The following PTPRU variants were observed in gnomAD, a reference collection of about 807,000 sequenced individuals.
PTPRU encodes the protein receptor-type tyrosine-protein phosphatase U.
In PTPRU, 69 loss-of-function variants were observed where a neutral mutation model predicts 166.3. The ratio of observed to expected loss-of-function variants is 0.41; its 90% CI spans 0.34 to 0.51. The LOEUF (loss-of-function observed/expected upper bound fraction) is 0.51, where lower values mean the gene tolerates loss of function less well. Among genes scored for constraint, PTPRU ranks in the 20% least tolerant of loss-of-function variants. The probability of loss-of-function intolerance (pLI) is 0.09; values close to 1 mark genes in which losing one functional copy is unlikely to be tolerated. For missense variants in PTPRU, 1,657 were observed against 2,013.7 expected (o/e 0.82, Z 3.39); for synonymous variants, 793 against 814.0 (o/e 0.97, Z 0.44).
intron 14 of PTPRU, among the ~76,000 whole-genome samples, chr1:29,286,672 C>T (rs944102446): frequency 1.3e-5 from 2 of 151,926 alleles, no homozygotes; most frequent in Admixed American, 1.3e-4. Context: ...ATTTGAGGTC[C>T]TAGAAATCTA....
rs1004137022 is a variant in PTPRU, at chr1:29,291,578, G to A, written c.2319-291G>A. On this transcript the variant is annotated intron_variant, in intron 14 of 29. Transcript: ENST00000373779. This position sits in a 1 kb window ranked among gnomAD's most constrained non-coding sequence, Gnocchi z 4.1. Reference sequence around the variant, plus strand: ...TTCTTTCCCATTTCCTAAGCCCAGGGGGCCAGTGAAACTTAGGAGTGAGAT... The same window carrying A: ...TTCTTTCCCATTTCCTAAGCCCAGGAGGCCAGTGAAACTTAGGAGTGAGAT... Among the ~76,000 whole-genome samples the A allele has an allele frequency of 6.6e-6, 1 of 152,156 alleles. No individual in the cohort carries two copies. Among genetic ancestry groups the A allele is most frequent in the African/African-American group, 2.4e-5 (1 of 41,430 alleles).
At position 29,304,026 on chromosome 1, in the gene PTPRU, G is replaced by A. The variant is rs1259656755; in HGVS notation, c.2648G>A (p.Gly883Asp). The change falls in exon 16 of 30, where the codon GGC (glycine) becomes GAC (aspartate). Residue 883 changes from glycine (G) to aspartate (D), a missense_variant. Gly to Asp is a moderately conservative substitution (Grantham distance 94, BLOSUM62 -1). This residue lies in a region of PTPRU where 1,190 missense variants were observed against 1,477.4 expected (regional missense o/e 0.81). Transcript: ENST00000373779. ...CAGATGAAGACGGCCGAGGGTTACG[G>A]CTTCAAGCAGGAGTATGAGGTGCAC... ...INQMKTAEGY[G>D]FKQEYESFFE... 1 of 1,609,508 alleles carries A rather than the reference G, an allele frequency of 6.2e-7. No individual in the cohort carries two copies. Among genetic ancestry groups the A allele is most frequent in the African/African-American group, 1.3e-5 (1 of 74,920 alleles).
chr1:29,292,165 C>T, intron 15 of PTPRU, 139 bp downstream of exon 15: 1 of 1,147,662 alleles, frequency 8.7e-7, no homozygotes, highest in Non-Finnish European at 1.2e-6. Context: ...TGGATACCTT[C>T]TGGATATAGA....
intron 1 of PTPRU, among the ~76,000 whole-genome samples, chr1:29,244,919 CT>C (rs2151939450): frequency 6.6e-6 from 1 of 152,190 alleles, no homozygotes; most frequent in East Asian, 1.9e-4. Flanking sequence ...TTCTTGGTTT[CT>C]GATGAAGTCC....
At chr1:29,306,056 G>A (rs1687376172) in intron 18 of PTPRU, among the ~76,000 whole-genome samples, 1 of 152,216 alleles carries the variant, frequency 6.6e-6, no homozygotes, top group African/African-American at 2.4e-5. Context: ...CTTGTCCCAG[G>A]TTGCACAGCT....
chr1:29,311,361 C>T lies in PTPRU; in HGVS notation c.2858-95C>T. ...GCCCCCGTTGGGGCTCAGGAGGCCTCCTGGCCTGGGGTGTGGTGCTGGATG... is the reference window on the plus strand; with the variant it reads ...GCCCCCGTTGGGGCTCAGGAGGCCTTCTGGCCTGGGGTGTGGTGCTGGATG... On this transcript the variant is annotated intron_variant, in intron 19 of 29. Coordinates refer to ENST00000373779, the MANE Select transcript of PTPRU (RefSeq NM_133178.4). This position sits in a 1 kb window ranked among gnomAD's most constrained non-coding sequence, Gnocchi z 4.1. 1 of 1,268,372 alleles carries T rather than the reference C, an allele frequency of 7.9e-7. No homozygotes were observed. Among genetic ancestry groups the T allele is most frequent in the South Asian group, 1.3e-5 (1 of 77,806 alleles). 78.6% of individuals were successfully genotyped at this position (1,268,372 alleles called of 1,614,324 possible).
rs1574715429 is a variant in PTPRU at position 29,312,676 on chromosome 1, C to T, written c.3197C>T (p.Pro1066Leu). Reference protein sequence around the residue: ...FIRRVKASTPPDAGPIVIHCS... With the variant: ...FIRRVKASTPLDAGPIVIHCS... ...CGGCGCGTGAAGGCCTCCACCCCAC[C>T]TGATGCCGGGCCCATTGTCATCCAC... is the stretch of plus-strand genomic sequence containing the variant. The change falls in exon 22 of 30, where the codon CCT becomes CTT. Residue 1066 changes from proline to leucine, a missense_variant. Pro to Leu is a moderately conservative substitution (Grantham distance 98). Coordinates refer to ENST00000373779, the MANE Select transcript of PTPRU (RefSeq NM_133178.4). 1 of 1,609,902 alleles carries T rather than the reference C, an allele frequency of 6.2e-7. No homozygotes were observed. Among genetic ancestry groups the T allele is most frequent in the Non-Finnish European group, 8.5e-7 (1 of 1,177,028 alleles).
At chr1:29,248,760 C>A (rs942651206) in intron 1 of PTPRU, among the ~76,000 whole-genome samples, 1 of 152,126 alleles carries the variant, frequency 6.6e-6, no homozygotes, top group African/African-American at 2.4e-5. Flanking sequence ...TACCTTACTG[C>A]ACACACCCAC....
At chr1:29,254,757 T>C (rs1045148019) in intron 1 of PTPRU, among the ~76,000 whole-genome samples, 4 of 152,088 alleles carry the variant, frequency 2.6e-5, no homozygotes, top group African/African-American at 9.7e-5. Flanking sequence ...GCCCACTGTC[T>C]GTCCTCTATG....
intron 8 of PTPRU, among the ~76,000 whole-genome samples, chr1:29,277,185 C>T (rs986792167): frequency 1.3e-5 from 2 of 152,166 alleles, no homozygotes; most frequent in African/African-American, 4.8e-5. Context: ...ACTGCAAACT[C>T]CGCCTTCTGG....
At position 29,312,688 on chromosome 1, in the gene PTPRU, C is replaced by G. The variant is rs746715574; in HGVS notation, c.3209C>G (p.Pro1070Arg). The G allele has an allele frequency of 1.2e-6, 2 of 1,607,568 alleles. No individual in the cohort carries two copies. Among genetic ancestry groups the G allele is most frequent in the Admixed American group, 1.7e-5 (1 of 59,870 alleles). The change falls in exon 22 of 30, where the codon CCC becomes CGC. Residue 1070 changes from proline (P) to arginine (R), a missense_variant. This residue lies in a region of PTPRU where 1,190 missense variants were observed against 1,477.4 expected (regional missense o/e 0.81). Coordinates refer to ENST00000373779, the MANE Select transcript of PTPRU (RefSeq NM_133178.4). ...GCCTCCACCCCACCTGATGCCGGGCCCATTGTCATCCACTGCAGGTGGGGG... is the reference window on the plus strand; with the variant it reads ...GCCTCCACCCCACCTGATGCCGGGCGCATTGTCATCCACTGCAGGTGGGGG... ...VKASTPPDAG[P>R]IVIHCSAGTG... is the part of the protein sequence containing the mutation.
At chr1:29,324,644 C>T (rs1207359334) in intron 28 of PTPRU, among the ~76,000 whole-genome samples, 1 of 152,166 alleles carries the variant, frequency 6.6e-6, no homozygotes, top group Non-Finnish European at 1.5e-5. Flanking sequence ...TTTGTCTCTC[C>T]GGGTGTTTCT....
chr1:29,254,408 T>G (rs1340634750), intron 1 of PTPRU, among the ~76,000 whole-genome samples: 2 of 152,224 alleles, frequency 1.3e-5, no homozygotes, highest in Non-Finnish European at 2.9e-5. Flanking sequence ...CCTCCCCTCT[T>G]TCTCATTTCA....
intron 7 of PTPRU, among the ~76,000 whole-genome samples, chr1:29,274,399 T>C (rs1367887208): frequency 6.6e-6 from 1 of 152,204 alleles, no homozygotes; most frequent in Non-Finnish European, 1.5e-5. Context: ...CCCCAATACA[T>C]GTTAACTGCC....
intron 8 of PTPRU, among the ~76,000 whole-genome samples, chr1:29,276,173 T>A (rs1685795388): frequency 6.6e-6 from 1 of 152,220 alleles, no homozygotes; most frequent in Admixed American, 6.5e-5. Flanking sequence ...TTTATTTATT[T>A]AGAGACAGAG....
intron 14 of PTPRU, among the ~76,000 whole-genome samples, chr1:29,289,944 G>A (rs553014470): frequency 1.3e-5 from 2 of 152,282 alleles, no homozygotes; most frequent in South Asian, 4.1e-4. Flanking sequence ...TAAGAGGCAT[G>A]GGTTCAGAGC....
chr1:29,280,217 C>T lies in PTPRU; in HGVS notation c.1868+76C>T. ...CCCCTCCTCTGACCCAGAGCCCCAT[C>T]CCAGGCCAGCTCACCCTTTTCCTCC... On this transcript the variant is annotated intron_variant, in intron 11 of 29. Transcript: ENST00000373779. The surrounding 1 kb of genome is among the most constrained non-coding windows in gnomAD (Gnocchi z 4.2). 1 of 1,386,378 alleles carries T rather than the reference C, an allele frequency of 7.2e-7. No individual in the cohort carries two copies. The highest frequency in any genetic ancestry group is 1.2e-5 in the South Asian group (1 of 80,810). The allele number at this position is 1,386,378 out of a possible 1,614,324, so 85.9% of individuals were successfully genotyped here.
In PTPRU at chr1:29,279,474, G is replaced by A. The variant is rs746633101; in HGVS notation, c.1582G>A (p.Glu528Lys). The A allele has an allele frequency of 4.3e-6, 7 of 1,613,940 alleles. No homozygotes were observed. Among genetic ancestry groups the A allele is most frequent in the African/African-American group, 1.3e-5 (1 of 74,876 alleles). The change falls in exon 10 of 30, where the codon GAG (glutamate) becomes AAG (lysine). Residue 528 changes from glutamate to lysine, a missense_variant. Physicochemically the swap from Glu to Lys is moderately conservative, Grantham distance 56 (BLOSUM62 1). Coordinates refer to ENST00000373779, the MANE Select transcript of PTPRU (RefSeq NM_133178.4). This position sits in a 1 kb window ranked among gnomAD's most constrained non-coding sequence, Gnocchi z 5.2. ...TQYEISYQSIESSDPAVNVPG... is the reference protein window; with the variant it reads ...TQYEISYQSIKSSDPAVNVPG... ...CCCCCAGATCAGCTACCAGAGCATC[G>A]AGTCATCAGACCCGGCAGTGAACGT...
rs767502282 is a variant in PTPRU at position 29,320,700 on chromosome 1, G to A, written c.3703G>A (p.Ala1235Thr). Reference sequence around the variant, plus strand: ...TTCCCTGCAGAGCTACACACGGAGTGCGGCCTTCATCGTGACCCTGCACCC... The same window carrying A: ...TTCCCTGCAGAGCTACACACGGAGTACGGCCTTCATCGTGACCCTGCACCC... Reference protein sequence around the residue: ...AALTDSYTRSAAFIVTLHPLQ... With the variant: ...AALTDSYTRSTAFIVTLHPLQ... Residue 1235 changes from alanine (A) to threonine (T), a missense_variant, in exon 26 of 30, where the codon GCG (alanine) becomes ACG (threonine). By Grantham distance (58) the Ala-to-Thr change is moderately conservative. Transcript: ENST00000373779. The surrounding 1 kb of genome is among the most constrained non-coding windows in gnomAD (Gnocchi z 5.2). The A allele has an allele frequency of 4.4e-5, 70 of 1,598,136 alleles. No homozygotes were observed. The Admixed American group carries it at 1.2e-3, about 27-fold the overall frequency.
Sources: allele counts gnomAD v4.1 joint callset (sites outside exome capture counted in the v4.1 genomes callset), GRCh38; gene constraint gnomAD v4.1.1; regional missense constraint gnomAD v4.1.1; non-coding constraint Gnocchi (gnomAD v3.1); transcripts MANE v1.5; gene names NCBI Gene and HGNC (gene_info 2026-07-23, HGNC 2026-07-21).